Variants in ST3GAL5 observed in about 807,000 individuals in gnomAD.
ST3GAL5 encodes the protein ST3 beta-galactoside alpha-2,3-sialyltransferase 5.
In ST3GAL5, 25 loss-of-function variants were observed where a neutral mutation model predicts 46.1. The ratio of observed to expected loss-of-function variants is 0.54; its 90% CI spans 0.40 to 0.76. The LOEUF is 0.76. Ranked by LOEUF, ST3GAL5 falls within the 30% of genes least tolerant of loss-of-function variation. ST3GAL5 has a pLI of 0.00. For synonymous variants in ST3GAL5, 182 were observed against 192.7 expected, an observed-to-expected ratio of 0.94 and a Z score of 0.46; for missense variants, 431 against 521.2, an observed-to-expected ratio of 0.83 and a Z score of 1.69.
At chr2:85,883,490 C>T (rs1307609747) in intron 1 of ST3GAL5, among the ~76,000 whole-genome samples, 2 of 152,160 alleles carry the variant, frequency 1.3e-5, no homozygotes, top group Non-Finnish European at 2.9e-5. Context: ...AGTGTGAAAA[C>T]GGACTAATAC....
chr2:85,852,624 A>G (rs1026350988), intron 3 of ST3GAL5, among the ~76,000 whole-genome samples: 2 of 152,140 alleles, frequency 1.3e-5, no homozygotes, highest in Non-Finnish European at 2.9e-5. Flanking sequence ...CGCTTGGGCC[A>G]TGGGAATGTG....
chr2:85,851,435 T>C (rs1233866190), intron 3 of ST3GAL5: 1 of 1,219,152 alleles, frequency 8.2e-7, no homozygotes, highest in Non-Finnish European at 1.0e-6. Flanking sequence ...GCTTTTTCTG[T>C]AGAGAGCTCA....
intron 1 of ST3GAL5, among the ~76,000 whole-genome samples, chr2:85,884,194 TA>T: frequency 6.6e-6 from 1 of 152,240 alleles, no homozygotes; most frequent in African/African-American, 2.4e-5. Flanking sequence ...AACATTACAT[TA>T]GTTAGTATAT....
chr2:85,845,345 A>G (rs1490772900), intron 5 of ST3GAL5: 1 of 152,322 alleles, frequency 6.6e-6, no homozygotes, highest in African/African-American at 2.4e-5. Context: ...GTATTCCTTG[A>G]TTTTTATATG....
At chr2:85,881,507 T>A (rs6547639) in intron 1 of ST3GAL5, among the ~76,000 whole-genome samples, 111,378 of 151,780 alleles carry the variant, frequency 0.73, 41,198 homozygotes, top group East Asian at 0.99. Flanking sequence ...GGACAATAAA[T>A]ATCCAGGTTG....
Position 85,888,915 on chromosome 2 carries a change from G to C in ST3GAL5, c.-10C>G. ...CCGCCTTCGTCCGCATACTAATGAG[G>C]GGGCGCCGGCCGGCCGCCAGCCCGG... On this transcript the variant is annotated 5_prime_UTR_variant, in exon 1 of 7. Coordinates refer to ENST00000638572, the MANE Select transcript of ST3GAL5 (RefSeq NM_003896.4). The C allele has an allele frequency of 7.4e-7, 1 of 1,350,860 alleles. No individual in the cohort carries two copies. Among genetic ancestry groups the C allele is most frequent in the Non-Finnish European group, 9.6e-7 (1 of 1,044,848 alleles). 83.7% of individuals were successfully genotyped at this position (1,350,860 alleles called of 1,614,324 possible).
chr2:85,879,980 A>C (rs1686974663), intron 1 of ST3GAL5, among the ~76,000 whole-genome samples: 1 of 152,230 alleles, frequency 6.6e-6, no homozygotes, highest in Non-Finnish European at 1.5e-5. Flanking sequence ...GGATCTTAGA[A>C]ATATTCTTCA....
intron 1 of ST3GAL5, among the ~76,000 whole-genome samples, chr2:85,885,859 T>C (rs111733887): frequency 0.024 from 3,558 of 146,206 alleles, 128 homozygotes; most frequent in African/African-American, 0.085. Flanking sequence ...TGGAGTAAAA[T>C]AGCTGTGCCT....
chr2:85,847,662 G>T, intron 4 of ST3GAL5, 199 bp downstream of exon 4: 1 of 1,322,120 alleles, frequency 7.6e-7, no homozygotes, highest in Non-Finnish European at 9.9e-7. Context: ...GCCACGCGTG[G>T]TGTGTGCCTG....
At chr2:85,862,582 A>G (rs1241726775) in intron 2 of ST3GAL5, among the ~76,000 whole-genome samples, 2 of 152,152 alleles carry the variant, frequency 1.3e-5, no homozygotes, top group Non-Finnish European at 2.9e-5. Context: ...TCCTGGAGCG[A>G]GTCCACCTCA....
At chr2:85,885,530 T>A (rs1362152116) in intron 1 of ST3GAL5, among the ~76,000 whole-genome samples, 2 of 152,120 alleles carry the variant, frequency 1.3e-5, no homozygotes, top group Admixed American at 1.3e-4. Context: ...AGTGTGATCA[T>A]TTCAAAACTG....
At chr2:85,853,599 C>A (rs1158224520) in intron 3 of ST3GAL5, 1 of 162,212 alleles carries the variant, frequency 6.2e-6, no homozygotes, top group African/African-American at 2.4e-5. Flanking sequence ...AGAGCTCACA[C>A]AGAACTCCAT....
intron 1 of ST3GAL5, among the ~76,000 whole-genome samples, chr2:85,879,232 A>G (rs955133826): frequency 6.6e-6 from 1 of 152,080 alleles, no homozygotes. Flanking sequence ...GTGGCCAACC[A>G]AGAGATGTGG....
chr2:85,847,552 T>C (rs1667724226), intron 4 of ST3GAL5: 2 of 1,146,472 alleles, frequency 1.7e-6, no homozygotes, highest in Non-Finnish European at 2.2e-6. Context: ...CCAAGAGCAG[T>C]GCACTGAGTT....
At chr2:85,849,868 G>GTGTA (rs1307340762) in intron 3 of ST3GAL5, 2 of 151,740 alleles carry the variant, frequency 1.3e-5, no homozygotes, top group African/African-American at 4.9e-5. Flanking sequence ...GTGTGTGTGT[G>GTGTA]TGTGTGTGTG....
chr2:85,844,637 G>T, intron 5 of ST3GAL5, 83 bp from the exon 6 acceptor site: 2 of 1,585,216 alleles, frequency 1.3e-6, no homozygotes, highest in Non-Finnish European at 8.6e-7. Context: ...CAAGGCTGTG[G>T]GTGTGACCCC....
intron 6 of ST3GAL5, among the ~76,000 whole-genome samples, chr2:85,842,546 C>G (rs1461323185): frequency 6.6e-6 from 1 of 152,108 alleles, no homozygotes; most frequent in African/African-American, 2.4e-5. Flanking sequence ...ATCAGAAGTC[C>G]TCTTTTAAGT....
intron 6 of ST3GAL5, among the ~76,000 whole-genome samples, chr2:85,841,897 G>C (rs1682157337): frequency 6.6e-6 from 1 of 152,140 alleles, no homozygotes; most frequent in Non-Finnish European, 1.5e-5. Context: ...CAGCTCACTA[G>C]GCCTCCTCAA....
intron 1 of ST3GAL5, among the ~76,000 whole-genome samples, chr2:85,868,634 T>C (rs1182202300): frequency 6.6e-6 from 1 of 151,040 alleles, no homozygotes. Flanking sequence ...TTTTTTTTTT[T>C]TTGAGATGGA....
Sources: gnomAD v4.1 joint callset for allele counts (sites outside exome capture counted in the v4.1 genomes callset) on GRCh38, gnomAD v4.1.1 for gene constraint, MANE v1.5 for transcripts, NCBI Gene and HGNC (gene_info 2026-07-23, HGNC 2026-07-21) for gene names.